Variants in TEK observed in about 807,000 individuals in gnomAD.
TEK encodes angiopoietin-1 receptor.
Under a neutral mutation model 131.8 loss-of-function variants are expected in TEK, and 43 were observed. That is an observed-to-expected ratio of 0.33 (90% CI 0.26 to 0.42). The LOEUF (loss-of-function observed/expected upper bound fraction) is 0.42. Ranked by LOEUF, TEK falls within the 10% of genes least tolerant of loss-of-function variation. TEK has a pLI of 1.00. For synonymous variants in TEK, 580 were observed against 491.6 expected, an observed-to-expected ratio of 1.18 and a Z score of -2.38; for missense variants, 1,162 against 1,384.4, an observed-to-expected ratio of 0.84 and a Z score of 2.55.
chr9:27,142,666 G>T (rs914356800), intron 1 of TEK, among the ~76,000 whole-genome samples: 2 of 152,240 alleles, frequency 1.3e-5, no homozygotes, highest in African/African-American at 4.8e-5. Context: ...CTAAGGCAAA[G>T]GGGTTCCCAG....
At chr9:27,218,951 CAT>C in intron 20 of TEK, 134 bp downstream of exon 20, 1 of 899,432 alleles carries the variant, frequency 1.1e-6, no homozygotes. Context: ...GAAATAGAAA[CAT>C]AGTGTATTAA....
rs200238199 is a variant in TEK at position 27,224,770 on chromosome 9, GAGAA to G, written c.3201-3425_3201-3422del. ...AGTTCTGGCCAGGGCAGTCAGGCAA[GAGAA>G]AGAAAGAAAGGGCATTCAAATAGGA... On this transcript the variant is annotated intron_variant, in intron 21 of 22. Transcript: ENST00000380036. Among the ~76,000 whole-genome samples, 900 of 152,256 alleles carry G rather than the reference GAGAA, an allele frequency of 5.9e-3. 29 individuals carry two copies. The highest frequency in any genetic ancestry group is 0.053 in the Admixed American group (804 of 15,282).
chr9:27,152,540 T>A (rs1394992196), intron 1 of TEK, among the ~76,000 whole-genome samples: 1 of 152,150 alleles, frequency 6.6e-6, no homozygotes, highest in African/African-American at 2.4e-5. Flanking sequence ...TGAGGTTTTA[T>A]GTTTTTAATT....
chr9:27,212,489 G>A (rs900304934), intron 16 of TEK, among the ~76,000 whole-genome samples: 2 of 152,114 alleles, frequency 1.3e-5, no homozygotes, highest in Non-Finnish European at 2.9e-5. Context: ...GAGAGGGGGT[G>A]GGAAGGAGCA....
intron 7 of TEK, 135 bp downstream of exon 7, chr9:27,180,503 T>A: frequency 7.9e-7 from 1 of 1,259,774 alleles, no homozygotes; most frequent in South Asian, 1.3e-5. Flanking sequence ...GAATAGTTTA[T>A]CCTAAATCCT....
At chr9:27,134,343 C>T (rs1564049336) in intron 1 of TEK, among the ~76,000 whole-genome samples, 1 of 152,168 alleles carries the variant, frequency 6.6e-6, no homozygotes. Flanking sequence ...AGTTTAGGGA[C>T]TCTATTGAGT....
intron 1 of TEK, among the ~76,000 whole-genome samples, chr9:27,115,531 A>G (rs899393549): frequency 6.6e-6 from 1 of 150,818 alleles, no homozygotes; most frequent in African/African-American, 2.4e-5. Context: ...ACGAAACTAA[A>G]TTGAACATAA....
At chr9:27,173,908 C>T (rs1232200427) in intron 6 of TEK, among the ~76,000 whole-genome samples, 1 of 148,446 alleles carries the variant, frequency 6.7e-6, no homozygotes, top group Non-Finnish European at 1.5e-5. Context: ...CCAGCCTGGG[C>T]AACAGAGTGA....
intron 13 of TEK, among the ~76,000 whole-genome samples, chr9:27,204,151 C>T (rs1423982149): frequency 6.6e-6 from 1 of 152,172 alleles, no homozygotes; most frequent in Non-Finnish European, 1.5e-5. Flanking sequence ...AAAAGTTTCT[C>T]ACCATTCTAG....
At chr9:27,128,905 C>A (rs1194599166) in intron 1 of TEK, among the ~76,000 whole-genome samples, 1 of 152,174 alleles carries the variant, frequency 6.6e-6, no homozygotes, top group Non-Finnish European at 1.5e-5. Context: ...TCTAAATATA[C>A]AGTCATTTCA....
rs1363365263 is a variant in TEK, at chr9:27,229,931, A to C, written c.*699A>C. On this transcript the variant is annotated 3_prime_UTR_variant, in exon 23 of 23. Transcript: ENST00000380036. ...GAGAAGTATACATAAGTTTAGGATA[A>C]AATAATGGGATTTTCTTTTCTTTTC... 6.6e-6 allele frequency: 1 copy of C among 152,274 alleles called. No homozygotes were observed. The highest frequency in any genetic ancestry group is 1.5e-5 in the Non-Finnish European group (1 of 68,072). 9.4% of individuals were successfully genotyped at this position (152,274 alleles called of 1,614,324 possible).
intron 1 of TEK, among the ~76,000 whole-genome samples, chr9:27,139,002 G>A (rs1240067587): frequency 2.0e-5 from 3 of 151,954 alleles, no homozygotes; most frequent in African/African-American, 7.3e-5. Context: ...GAGGTCAGGA[G>A]ATCAAGACCA....
At chr9:27,174,956 G>A (rs1181400434) in intron 6 of TEK, among the ~76,000 whole-genome samples, 1 of 113,248 alleles carries the variant, frequency 8.8e-6, no homozygotes, top group Non-Finnish European at 1.9e-5. Flanking sequence ...CTGGGCCCAG[G>A]TTTTTTTGTT....
chr9:27,190,438 G>A, intron 9 of TEK, 91 bp from the exon 10 acceptor site: 1 of 1,502,120 alleles, frequency 6.7e-7, no homozygotes, highest in Admixed American at 1.7e-5. Flanking sequence ...GACTTTGTTG[G>A]ACATGTAAAA....
At chr9:27,151,390 A>G (rs915546224) in intron 1 of TEK, among the ~76,000 whole-genome samples, 2 of 152,168 alleles carry the variant, frequency 1.3e-5, no homozygotes, top group Non-Finnish European at 2.9e-5. Context: ...TAGCAACTTT[A>G]AGATAGAGAA....
At chr9:27,222,725 A>G (rs1296626979) in intron 21 of TEK, among the ~76,000 whole-genome samples, 1 of 152,180 alleles carries the variant, frequency 6.6e-6, no homozygotes, top group Admixed American at 6.5e-5. Flanking sequence ...CTCAACATGG[A>G]AAGGAAAACC....
intron 1 of TEK, among the ~76,000 whole-genome samples, chr9:27,121,329 A>C (rs575612232): frequency 6.5e-4 from 99 of 152,266 alleles, no homozygotes; most frequent in African/African-American, 2.2e-3. Flanking sequence ...TCTGTCTCAA[A>C]ATAAATAAAT....
In TEK at chr9:27,229,213, C is replaced by G; in HGVS notation, c.3356C>G (p.Ser1119Cys). The part of the protein sequence containing the change: ...EKFTYAGIDC[S>C]AEEAA ...TTTACTTATGCAGGAATTGACTGTT[C>G]TGCTGAAGAAGCGGCCTAGGACAGA... Residue 1119 changes from serine to cysteine, a missense_variant, in exon 23 of 23, where the codon TCT becomes TGT. Transcript: ENST00000380036. The G allele has an allele frequency of 6.2e-7, 1 of 1,613,850 alleles. No homozygotes were observed. Among genetic ancestry groups the G allele is most frequent in the Non-Finnish European group, 8.5e-7 (1 of 1,179,754 alleles).
intron 1 of TEK, among the ~76,000 whole-genome samples, chr9:27,154,814 T>C (rs543793763): frequency 5.3e-5 from 8 of 152,128 alleles, no homozygotes; most frequent in Non-Finnish European, 8.8e-5. Flanking sequence ...TAGCGAAGTA[T>C]AGTCAAGTCC....
Sources: allele counts gnomAD v4.1 joint callset (sites outside exome capture counted in the v4.1 genomes callset), GRCh38; gene constraint gnomAD v4.1.1; transcripts MANE v1.5; gene names NCBI Gene and HGNC (gene_info 2026-07-23, HGNC 2026-07-21).